CYP4F12: variants seen among roughly 807,000 people sequenced by gnomAD.
CYP4F12 encodes the protein cytochrome P450 family 4 subfamily F member 12, also known as cytochrome P450 4F12.
Under a neutral mutation model 56.5 loss-of-function variants are expected in CYP4F12, and 60 were observed. That is an observed-to-expected ratio of 1.06 (90% CI 0.86 to 1.32). The LOEUF is 1.32. Among genes scored for constraint, CYP4F12 ranks in the 40% most tolerant of loss-of-function variants. The pLI is 0.00. For synonymous variants in CYP4F12, 263 were observed against 264.9 expected (o/e 0.99, Z 0.07); for missense variants, 711 against 683.5 (o/e 1.04, Z -0.45).
intron 9 of CYP4F12, among the ~76,000 whole-genome samples, chr19:15,692,023 TCTC>T (rs1472141826): frequency 6.6e-6 from 1 of 152,166 alleles, no homozygotes; most frequent in African/African-American, 2.4e-5. Context: ...AGTGGTGCGA[TCTC>T]AGCTTACTGA....
In CYP4F12 at chr19:15,683,531, G is replaced by C. The variant is rs961236773; in HGVS notation, c.686G>C (p.Ser229Thr). ...TATATTGCCACCATCTTGGAGCTCA[G>C]TGCCCTTGTAGAGAAAAGAAGCCAG... ...SEYIATILEL[S>T]ALVEKRSQHI... Residue 229 changes from serine to threonine, a missense_variant, in exon 7 of 13, where the codon AGT becomes ACT. Physicochemically the swap from Ser to Thr is moderately conservative, Grantham distance 58. Transcript: ENST00000550308. 1 of 1,611,388 alleles carries C rather than the reference G, an allele frequency of 6.2e-7. No homozygotes were observed. Among genetic ancestry groups the C allele is most frequent in the Non-Finnish European group, 8.5e-7 (1 of 1,179,054 alleles).
At chr19:15,696,324 T>C in intron 11 of CYP4F12, 99 bp downstream of exon 11, 1 of 1,610,636 alleles carries the variant, frequency 6.2e-7, no homozygotes, top group Non-Finnish European at 8.5e-7. Flanking sequence ...AGGGTTTTGA[T>C]GAGGAAAATC....
At chr19:15,684,979 C>A (rs935696177) in intron 8 of CYP4F12, 89 bp from the exon 9 acceptor site, 12 of 1,569,144 alleles carry the variant, frequency 7.6e-6, no homozygotes, top group Non-Finnish European at 1.0e-5. Flanking sequence ...TGCCCATCTT[C>A]CCCCTCCCTC....
At chr19:15,684,970 G>C in intron 8 of CYP4F12, 88 bp downstream of exon 8, 1 of 1,567,272 alleles carries the variant, frequency 6.4e-7, no homozygotes. Flanking sequence ...ACTCCATTCT[G>C]CCCATCTTCC....
Position 15,673,583 on chromosome 19 carries a change from A to C in CYP4F12, c.54A>C (p.Pro18=), listed in dbSNP as rs1031514032. ...GCCTCAGACCGGTGGCAACGTCCCC[A>C]TGGCTACTCCTGCTGCTGGTTGTGG... ...WLGLRPVATS[P]WLLLLLVVGS... is the part of the protein sequence containing the mutation. The change falls in exon 2 of 13, where the codon CCA becomes CCC. Residue 18 remains proline (P), a synonymous_variant. Coordinates refer to ENST00000550308, the MANE Select transcript of CYP4F12 (RefSeq NM_023944.4). The C allele has an allele frequency of 3.1e-6, 5 of 1,613,920 alleles. No individual in the cohort carries two copies. Among genetic ancestry groups the C allele is most frequent in the Non-Finnish European group, 4.2e-6 (5 of 1,180,006 alleles).
In CYP4F12 at chr19:15,673,601, G is replaced by T; in HGVS notation, c.72G>T (p.Leu24=). ...VATSPWLLLL[L]VVGSWLLARI... is the part of the protein sequence containing the mutation. ...CGTCCCCATGGCTACTCCTGCTGCT[G>T]GTTGTGGGCTCCTGGCTACTCGCCC... Residue 24 remains leucine, a synonymous_variant, in exon 2 of 13, where the codon CTG becomes CTT. Coordinates refer to ENST00000550308, the MANE Select transcript of CYP4F12 (RefSeq NM_023944.4). The T allele has an allele frequency of 1.2e-6, 2 of 1,614,100 alleles. No homozygotes were observed. The highest frequency in any genetic ancestry group is 2.2e-5 in the East Asian group (1 of 44,874).
At chr19:15,693,636 G>A (rs900661447) in intron 9 of CYP4F12, among the ~76,000 whole-genome samples, 4 of 149,648 alleles carry the variant, frequency 2.7e-5, no homozygotes, top group African/African-American at 7.4e-5. Context: ...CATTTTGTAC[G>A]TTGCCTGTTC....
chr19:15,695,998 C>T lies in CYP4F12; in HGVS notation c.1178C>T (p.Pro393Leu). The change falls in exon 10 of 13, where the codon CCC becomes CTC. Residue 393 changes from proline to leucine, a missense_variant. Transcript: ENST00000550308. ...GTGAAGGAGAGCCTGAGGTTACATC[C>T]CCCAGCTCCCTTCATCTCCCGATGC... ...MCVKESLRLH[P>L]PAPFISRCCT... is the part of the protein sequence containing the mutation. 6.2e-7 allele frequency: 1 copy of T among 1,614,006 alleles called. No homozygotes were observed. The highest frequency in any genetic ancestry group is 8.5e-7 in the Non-Finnish European group (1 of 1,179,950).
intron 9 of CYP4F12, among the ~76,000 whole-genome samples, chr19:15,691,500 T>C (rs1418772026): frequency 6.6e-6 from 1 of 152,190 alleles, no homozygotes; most frequent in Admixed American, 6.5e-5. Context: ...TTATTAAATT[T>C]AAATTTTTTG....
At chr19:15,685,262 G>C in intron 9 of CYP4F12, 65 bp downstream of exon 9, 1 of 1,570,128 alleles carries the variant, frequency 6.4e-7, no homozygotes, top group East Asian at 2.3e-5. Flanking sequence ...AAGTGAGGAG[G>C]GGTGGAGGAG....
In CYP4F12 at chr19:15,696,929, C is replaced by T. The variant is rs1363855198; in HGVS notation, c.1419C>T (p.Phe473=). 15 of 1,613,566 alleles carry T rather than the reference C, an allele frequency of 9.3e-6. No homozygotes were observed. Among genetic ancestry groups the T allele is most frequent in the South Asian group, 8.8e-5 (8 of 91,052 alleles). The part of the protein sequence containing the change: ...AGPRNCIGQA[F]AMAEMKVVLA... ...GCAGGAACTGCATCGGGCAGGCGTT[C>T]GCCATGGCGGAGATGAAAGTGGTCC... Residue 473 remains phenylalanine (F), a synonymous_variant, in exon 13 of 13, where the codon TTC becomes TTT. Coordinates refer to ENST00000550308, the MANE Select transcript of CYP4F12 (RefSeq NM_023944.4).
intron 1 of CYP4F12, 71 bp from the exon 2 acceptor site, chr19:15,673,458 C>T (rs1173126458): frequency 3.1e-5 from 47 of 1,511,182 alleles, no homozygotes; most frequent in Non-Finnish European, 4.2e-5. Flanking sequence ...CCTGACTTCG[C>T]CCCTATACAC....
intron 5 of CYP4F12, 160 bp downstream of exon 5, chr19:15,680,679 A>C: frequency 1.1e-6 from 1 of 939,968 alleles, no homozygotes; most frequent in Non-Finnish European, 1.7e-6. Context: ...GATAATCCCT[A>C]CTTGAAAGGT....
At chr19:15,679,848 C>G (rs149790449) in intron 3 of CYP4F12, among the ~76,000 whole-genome samples, 2 of 152,326 alleles carry the variant, frequency 1.3e-5, no homozygotes, top group East Asian at 3.9e-4. Context: ...TGGGGCCTGT[C>G]TGTGGGGTAC....
chr19:15,677,133 T>C (rs1306250016), intron 2 of CYP4F12, among the ~76,000 whole-genome samples: 12 of 73,846 alleles, frequency 1.6e-4, no homozygotes, highest in East Asian at 5.0e-4. Context: ...ATTCATATCC[T>C]CACTCACTCA....
chr19:15,684,294 G>C (rs2007479705), intron 7 of CYP4F12: 1 of 156,220 alleles, frequency 6.4e-6, no homozygotes, highest in Non-Finnish European at 1.4e-5. Context: ...GAAAGTTAGA[G>C]ACAGAGAAAG....
At chr19:15,694,752 T>C (rs2008041651) in intron 9 of CYP4F12, among the ~76,000 whole-genome samples, 1 of 152,062 alleles carries the variant, frequency 6.6e-6, no homozygotes, top group Non-Finnish European at 1.5e-5. Flanking sequence ...CATGAAAAAA[T>C]GCTCACCATC....
chr19:15,693,605 T>C (rs934785495), intron 9 of CYP4F12, among the ~76,000 whole-genome samples: 1 of 147,554 alleles, frequency 6.8e-6, no homozygotes. Flanking sequence ...GTCAGATGAG[T>C]AGGTTGCGAA....
At chr19:15,682,649 GGA>G in intron 6 of CYP4F12, 139 bp downstream of exon 6, 1 of 1,322,118 alleles carries the variant, frequency 7.6e-7, no homozygotes, top group Non-Finnish European at 1.0e-6. Context: ...TCGAGGAAGA[GGA>G]GAAAGTGCTG....
Sources: gnomAD v4.1 joint callset for allele counts (sites outside exome capture counted in the v4.1 genomes callset) on GRCh38, gnomAD v4.1.1 for gene constraint, MANE v1.5 for transcripts, NCBI Gene and HGNC (gene_info 2026-07-23, HGNC 2026-07-21) for gene names.